EIF4G3: variants seen among roughly 807,000 people sequenced by gnomAD.
EIF4G3 encodes eIF-4-gamma 3.
A neutral mutation model predicts 186.4 loss-of-function variants in EIF4G3; 34 were observed. The ratio of observed to expected loss-of-function variants is 0.18; its 90% CI spans 0.14 to 0.24. EIF4G3 has a LOEUF of 0.24. Ranked by LOEUF, EIF4G3 falls within the 10% of genes least tolerant of loss-of-function variation. The probability of loss-of-function intolerance (pLI) is 1.00; values close to 1 mark genes in which losing one functional copy is unlikely to be tolerated. For missense variants in EIF4G3, 1,536 were observed against 1,948.5 expected, an observed-to-expected ratio of 0.79 and a Z score of 3.99; for synonymous variants, 673 against 679.5, an observed-to-expected ratio of 0.99 and a Z score of 0.15.
chr1:21,151,387 C>T (rs956044420), intron 2 of EIF4G3, among the ~76,000 whole-genome samples: 5 of 151,230 alleles, frequency 3.3e-5, no homozygotes, highest in Middle Eastern at 3.4e-3. Flanking sequence ...TACAGGCGCC[C>T]GCCACCACAC....
At chr1:20,999,696 C>T in intron 6 of EIF4G3, 1 of 449,438 alleles carries the variant, frequency 2.2e-6, no homozygotes, top group South Asian at 1.6e-5. Flanking sequence ...AGGAAAGTAC[C>T]CTAGTCTATT....
At chr1:21,028,658 CAGTA>C (rs890014667) in intron 4 of EIF4G3, among the ~76,000 whole-genome samples, 12 of 152,250 alleles carry the variant, frequency 7.9e-5, no homozygotes, top group South Asian at 4.1e-4. Context: ...TTTCAACAAA[CAGTA>C]AGCAGCAGAA....
Position 20,807,441 on chromosome 1 carries a change from A to C in EIF4G3, c.4804T>G (p.Phe1602Val). Residue 1602 changes from phenylalanine to valine, a missense_variant, in exon 37 of 37, where the codon TTC becomes GTC. Around this residue, in one of 11 missense-constraint regions of EIF4G3, gnomAD observed 45 missense variants for 99.1 expected, o/e 0.45. Transcript: ENST00000602326. The stretch of plus-strand genomic sequence containing the variant: ...TCCTTGCTGCTCTCCCATTTGTAGA[A>C]GGCATCCTCGGAGATCACCTCCTCG... ...YDEEVISEDA[F>V]YKWESSKDPA... 6.2e-7 allele frequency: 1 copy of C among 1,612,064 alleles called. No individual in the cohort carries two copies. The highest frequency in any genetic ancestry group is 8.5e-7 in the Non-Finnish European group (1 of 1,178,514).
chr1:20,852,069 G>T (rs1349526141), intron 27 of EIF4G3, among the ~76,000 whole-genome samples: 2 of 152,166 alleles, frequency 1.3e-5, no homozygotes, highest in Admixed American at 6.5e-5. Context: ...TTTTTGAGAT[G>T]GAGTTTTACT....
intron 12 of EIF4G3, among the ~76,000 whole-genome samples, chr1:20,959,281 T>C (rs1365443797): frequency 6.6e-6 from 1 of 151,878 alleles, no homozygotes; most frequent in Non-Finnish European, 1.5e-5. Flanking sequence ...AAAACATAAA[T>C]TGAGGAATAG....
In EIF4G3 at chr1:21,147,399, C is replaced by T. The variant is rs185731703; in HGVS notation, c.-272+28776G>A. ...ACTGTCGCCTGGGCTGGAGTGCAAT[C>T]GCGTGATCTCGGCTCACTGCAACCT... On this transcript the variant is annotated intron_variant, in intron 2 of 36. Transcript: ENST00000602326. 1.3e-4 allele frequency among the ~76,000 whole-genome samples: 19 copies of T among 151,728 alleles called. No individual in the cohort carries two copies. The East Asian group carries it at 2.3e-3, about 19-fold the overall frequency.
intron 11 of EIF4G3, among the ~76,000 whole-genome samples, chr1:20,971,184 G>A (rs569984693): frequency 6.6e-6 from 1 of 152,132 alleles, no homozygotes; most frequent in Non-Finnish European, 1.5e-5. Flanking sequence ...AAGATATAAA[G>A]GACCCACTGT....
chr1:21,152,463 A>C (rs1344757541), intron 2 of EIF4G3, among the ~76,000 whole-genome samples: 1 of 151,794 alleles, frequency 6.6e-6, no homozygotes, highest in Non-Finnish European at 1.5e-5. Flanking sequence ...AAAAAAAAAA[A>C]ACCAGAAAAA....
chr1:20,954,467 T>G (rs1037732773), intron 12 of EIF4G3, among the ~76,000 whole-genome samples: 1 of 122,978 alleles, frequency 8.1e-6, no homozygotes, highest in Admixed American at 1.1e-4. Flanking sequence ...ACTCGGGGGG[T>G]GGAGGTTGCA....
chr1:21,019,239 T>C (rs2090060900), intron 4 of EIF4G3, among the ~76,000 whole-genome samples: 1 of 152,356 alleles, frequency 6.6e-6, no homozygotes, highest in South Asian at 2.1e-4. Context: ...GCACAAAAGC[T>C]TGATATCAAA....
intron 16 of EIF4G3, 92 bp from the exon 17 acceptor site, chr1:20,895,593 T>C (rs2087690955): frequency 7.4e-7 from 1 of 1,358,404 alleles, no homozygotes; most frequent in Non-Finnish European, 1.0e-6. Flanking sequence ...ACAAACTGCA[T>C]ATACAACTGC....
intron 34 of EIF4G3, among the ~76,000 whole-genome samples, chr1:20,815,302 G>C (rs1164006213): frequency 9.3e-6 from 1 of 107,574 alleles, no homozygotes; most frequent in Non-Finnish European, 2.0e-5. Flanking sequence ...AGTGAGGAGC[G>C]TCTCTGCCCA....
At chr1:21,131,383 C>A (rs2097151322) in intron 2 of EIF4G3, among the ~76,000 whole-genome samples, 2 of 140,982 alleles carry the variant, frequency 1.4e-5, no homozygotes, top group Non-Finnish European at 3.0e-5. Flanking sequence ...ATATGTATAA[C>A]TGGATTCACA....
intron 12 of EIF4G3, among the ~76,000 whole-genome samples, chr1:20,955,885 C>A (rs1254178910): frequency 6.6e-6 from 1 of 152,100 alleles, no homozygotes; most frequent in East Asian, 1.9e-4. Flanking sequence ...AAACCATGAA[C>A]TCCAGTTTTG....
At chr1:20,920,675 A>C (rs1285655875) in intron 14 of EIF4G3, among the ~76,000 whole-genome samples, 1 of 152,178 alleles carries the variant, frequency 6.6e-6, no homozygotes, top group Non-Finnish European at 1.5e-5. Context: ...TACTGATCAG[A>C]AGCTACCTGA....
chr1:21,069,743 T>G (rs1156357196), intron 3 of EIF4G3, among the ~76,000 whole-genome samples: 1 of 151,954 alleles, frequency 6.6e-6, no homozygotes, highest in East Asian at 1.9e-4. Context: ...AAAGACTGAG[T>G]CTAACTCGTA....
intron 2 of EIF4G3, among the ~76,000 whole-genome samples, chr1:21,118,655 G>A (rs1000183057): frequency 2.0e-5 from 3 of 151,870 alleles, no homozygotes; most frequent in Admixed American, 6.6e-5. Flanking sequence ...GTATGGTGGC[G>A]GGTGCCTGTA....
chr1:20,977,171 A>T (rs2077022192), intron 10 of EIF4G3, among the ~76,000 whole-genome samples: 1 of 151,238 alleles, frequency 6.6e-6, no homozygotes, highest in African/African-American at 2.4e-5. Context: ...TTTCAACTTT[A>T]TGCACTCTAT....
intron 2 of EIF4G3, among the ~76,000 whole-genome samples, chr1:21,149,057 T>C (rs889410677): frequency 2.6e-5 from 4 of 151,220 alleles, no homozygotes; most frequent in African/African-American, 7.3e-5. Flanking sequence ...GATCATGCCA[T>C]TGTACTCCAG....
Sources: gnomAD v4.1 joint callset for allele counts (sites outside exome capture counted in the v4.1 genomes callset) on GRCh38, gnomAD v4.1.1 for gene constraint, gnomAD v4.1.1 regional missense constraint, MANE v1.5 for transcripts, NCBI Gene and HGNC (gene_info 2026-07-23, HGNC 2026-07-21) for gene names.